The following PCDH9 variants were observed in gnomAD, a reference collection of about 807,000 sequenced individuals.
PCDH9 encodes the protein protocadherin-9.
PCDH9 carries 24 observed loss-of-function variants against 70.6 expected under a neutral mutation model. The observed-to-expected ratio is 0.34, with a 90% CI of 0.25 to 0.48. The LOEUF (loss-of-function observed/expected upper bound fraction) is 0.48, where lower values mean the gene tolerates loss of function less well. PCDH9 is among the 20% of genes least tolerant of loss of function. The pLI is 0.99. For missense variants in PCDH9, 1,281 were observed against 1,503.6 expected (o/e 0.85, Z 2.45); for synonymous variants, 562 against 558.5 (o/e 1.01, Z -0.09).
intron 2 of PCDH9, among the ~76,000 whole-genome samples, chr13:66,929,264 C>A (rs1333296522): frequency 6.6e-6 from 1 of 151,556 alleles, no homozygotes; most frequent in Non-Finnish European, 1.5e-5. Context: ...GATATTCTTT[C>A]ATGTTTGGCG....
At chr13:66,995,424 G>A (rs2084093255) in intron 2 of PCDH9, among the ~76,000 whole-genome samples, 1 of 152,152 alleles carries the variant, frequency 6.6e-6, no homozygotes, top group South Asian at 2.1e-4. Flanking sequence ...CCTGCAGTGA[G>A]AGACTCTGCT....
chr13:66,519,427 G>C (rs893396101), intron 4 of PCDH9, among the ~76,000 whole-genome samples: 1 of 152,032 alleles, frequency 6.6e-6, no homozygotes, highest in Non-Finnish European at 1.5e-5. Context: ...GACCATCAAC[G>C]GAAGAGGCAG....
intron 4 of PCDH9, among the ~76,000 whole-genome samples, chr13:66,438,901 T>A (rs9540757): frequency 0.037 from 5,559 of 152,230 alleles, 208 homozygotes; most frequent in Admixed American, 0.11. Context: ...TAAGCAGAGG[T>A]AGCTATGAGC....
At chr13:66,385,680 G>A (rs1459599612) in intron 4 of PCDH9, among the ~76,000 whole-genome samples, 1 of 152,044 alleles carries the variant, frequency 6.6e-6, no homozygotes, top group Non-Finnish European at 1.5e-5. Context: ...TAAATTTATA[G>A]CTGTGCTAAA....
intron 3 of PCDH9, among the ~76,000 whole-genome samples, chr13:66,785,472 G>A (rs898977937): frequency 2.6e-5 from 4 of 151,504 alleles, no homozygotes; most frequent in African/African-American, 7.3e-5. Context: ...CTTTAATTTG[G>A]ATTAATAAAT....
intron 3 of PCDH9, among the ~76,000 whole-genome samples, chr13:66,828,864 T>C (rs559150656): frequency 1.3e-5 from 2 of 151,530 alleles, no homozygotes; most frequent in African/African-American, 2.4e-5. Flanking sequence ...AAAAAGTTCA[T>C]ATTTATATAT....
chr13:67,170,542 T>C (rs966444690), intron 2 of PCDH9, among the ~76,000 whole-genome samples: 34 of 151,588 alleles, frequency 2.2e-4, no homozygotes, highest in African/African-American at 8.0e-4. Context: ...GACCATCCTA[T>C]AAGAATTAAA....
intron 4 of PCDH9, among the ~76,000 whole-genome samples, chr13:66,519,631 G>A (rs374203484): frequency 6.6e-6 from 1 of 152,024 alleles, no homozygotes; most frequent in East Asian, 1.9e-4. Context: ...ATATAGTCAG[G>A]CCCTAGGAGA....
In PCDH9 at chr13:66,900,815, A is replaced by C. The variant is rs1321422270; in HGVS notation, c.3138+2689T>G. ...AATATTTGTGTGTGTTAAACAGAAC[A>C]ATCATCTTTCTTGTTACTATATTAA... On this transcript the variant is annotated intron_variant, in intron 3 of 4. Transcript: ENST00000377865. Among the ~76,000 whole-genome samples the C allele has an allele frequency of 5.9e-5, 9 of 151,860 alleles. No homozygotes were observed. In the East Asian group the frequency reaches 1.2e-3, roughly 20 times the overall value.
chr13:67,169,134 T>C (rs1441506684), intron 2 of PCDH9, among the ~76,000 whole-genome samples: 2 of 152,350 alleles, frequency 1.3e-5, no homozygotes, highest in South Asian at 4.1e-4. Flanking sequence ...AAATCAGTGT[T>C]TGTTTTCCCT....
At chr13:66,806,926 T>C (rs2080419657) in intron 3 of PCDH9, among the ~76,000 whole-genome samples, 1 of 152,164 alleles carries the variant, frequency 6.6e-6, no homozygotes, top group Non-Finnish European at 1.5e-5. Flanking sequence ...GAATTGTTTT[T>C]AATTCTGTCT....
chr13:66,627,555 C>G (rs2138923019), intron 4 of PCDH9, among the ~76,000 whole-genome samples: 1 of 152,302 alleles, frequency 6.6e-6, no homozygotes, highest in African/African-American at 2.4e-5. Context: ...CATTAAACAT[C>G]AAGAGAACTG....
chr13:66,620,379 A>AT (rs1371222041), intron 4 of PCDH9, among the ~76,000 whole-genome samples: 4 of 152,182 alleles, frequency 2.6e-5, no homozygotes, highest in South Asian at 2.1e-4. Context: ...GTTGACACTA[A>AT]TTTTACATGG....
chr13:66,512,282 T>TTATATATATATATATATATATA lies in PCDH9; in HGVS notation c.3340+118906_3340+118927dup, dbSNP rs35496834. On this transcript the variant is annotated intron_variant, in intron 4 of 4. Transcript: ENST00000377865. ...AAAATATATACAGATACCTTAGGAA[T>TTATATATATATATATATATATA]TATATATATATATATATATATACAC... Among the ~76,000 whole-genome samples, 72 of 144,396 alleles carry TTATATATATATATATATATATA rather than the reference T, an allele frequency of 5.0e-4. No homozygotes were observed. In the East Asian group the frequency reaches 6.4e-3, roughly 13 times the overall value. 94.7% of individuals were successfully genotyped at this position (144,396 alleles called of 152,430 possible).
At chr13:66,647,653 T>C (rs1400263510) in intron 3 of PCDH9, among the ~76,000 whole-genome samples, 2 of 151,988 alleles carry the variant, frequency 1.3e-5, no homozygotes, top group East Asian at 3.9e-4. Context: ...GAGAAAAATC[T>C]TTCTGCTTGA....
intron 2 of PCDH9, among the ~76,000 whole-genome samples, chr13:67,140,841 A>T (rs2087365612): frequency 6.6e-6 from 1 of 152,182 alleles, no homozygotes; most frequent in Admixed American, 6.5e-5. Context: ...GCTGTTAGAA[A>T]GTTTAAAGTC....
intron 4 of PCDH9, among the ~76,000 whole-genome samples, chr13:66,380,182 G>A (rs1399134915): frequency 6.6e-6 from 1 of 152,140 alleles, no homozygotes; most frequent in East Asian, 1.9e-4. Context: ...CAGCGATATA[G>A]ATTTTAATCC....
At chr13:67,214,088 A>G (rs1294777490) in intron 2 of PCDH9, 1 of 152,218 alleles carries the variant, frequency 6.6e-6, no homozygotes, top group African/African-American at 2.4e-5. Flanking sequence ...GTACTACCGT[A>G]GTGTGTAATA....
chr13:66,807,111 A>C (rs1051885453), intron 3 of PCDH9, among the ~76,000 whole-genome samples: 2 of 152,184 alleles, frequency 1.3e-5, no homozygotes, highest in African/African-American at 4.8e-5. Flanking sequence ...TTTTTTACAG[A>C]ATGAAATTAG....
Sources: allele counts gnomAD v4.1 joint callset (sites outside exome capture counted in the v4.1 genomes callset), GRCh38; gene constraint gnomAD v4.1.1; transcripts MANE v1.5; gene names NCBI Gene and HGNC (gene_info 2026-07-23, HGNC 2026-07-21).